The following DLGAP2 variants were observed in gnomAD, a reference collection of about 807,000 sequenced individuals.
The protein encoded by DLGAP2 is disks large-associated protein 2.
Under a neutral mutation model 100.3 loss-of-function variants are expected in DLGAP2, and 26 were observed. The ratio of observed to expected loss-of-function variants is 0.26; its 90% CI spans 0.19 to 0.36. The LOEUF is 0.36. Among genes scored for constraint, DLGAP2 ranks in the 10% least tolerant of loss-of-function variants. The probability of loss-of-function intolerance (pLI) is 1.00; values close to 1 mark genes in which losing one functional copy is unlikely to be tolerated. For missense variants in DLGAP2, 1,858 were observed against 1,453.2 expected, an observed-to-expected ratio of 1.28 and a Z score of -4.53; for synonymous variants, 886 against 630.1, an observed-to-expected ratio of 1.41 and a Z score of -6.08.
At chr8:1,044,062 T>G (rs1254452782) in intron 2 of DLGAP2, among the ~76,000 whole-genome samples, 2 of 152,120 alleles carry the variant, frequency 1.3e-5, no homozygotes, top group East Asian at 3.9e-4. Flanking sequence ...CACGCCACGC[T>G]GTGTTTTATG....
rs368199148 is a variant in DLGAP2, at chr8:1,258,780, A to T, written c.74-71A>T. On this transcript the variant is annotated intron_variant, in intron 2 of 14. Coordinates refer to ENST00000637795, the MANE Select transcript of DLGAP2 (RefSeq NM_001346810.2). ...TAAAGTTGTAGTTTTGTTGTTGCTG[A>T]TGTTGAATCTTTTTAACTGCATGGT... 4.2e-6 allele frequency: 5 copies of T among 1,191,158 alleles called. No individual in the cohort carries two copies. In the East Asian group the frequency reaches 1.6e-4, roughly 38 times the overall value. 73.8% of individuals were successfully genotyped at this position (1,191,158 alleles called of 1,614,324 possible). A position where few individuals can be genotyped will look rare whatever the true frequency, so the allele number is the denominator to read the frequency against.
intron 3 of DLGAP2, among the ~76,000 whole-genome samples, chr8:1,331,199 C>T (rs1801150185): frequency 6.6e-6 from 1 of 152,208 alleles, no homozygotes; most frequent in Non-Finnish European, 1.5e-5. Context: ...GGTAGAAATG[C>T]AGCGATGTGG....
At chr8:940,876 G>C (rs1799180584) in intron 2 of DLGAP2, among the ~76,000 whole-genome samples, 1 of 152,136 alleles carries the variant, frequency 6.6e-6, no homozygotes, top group East Asian at 1.9e-4. Flanking sequence ...AGGCAGTCAG[G>C]CTGCTCGGGA....
chr8:1,636,336 T>C (rs962741455), intron 8 of DLGAP2, among the ~76,000 whole-genome samples: 2 of 152,196 alleles, frequency 1.3e-5, no homozygotes, highest in African/African-American at 4.8e-5. Context: ...ATAGAAAGCA[T>C]GGCAGAGGAA....
At chr8:1,029,699 G>A (rs1438050827) in intron 2 of DLGAP2, among the ~76,000 whole-genome samples, 1 of 152,180 alleles carries the variant, frequency 6.6e-6, no homozygotes, top group Non-Finnish European at 1.5e-5. Context: ...AAAGGCGGGT[G>A]ACCTTGACTG....
intron 1 of DLGAP2, among the ~76,000 whole-genome samples, chr8:805,671 G>A (rs1332303095): frequency 1.3e-5 from 2 of 152,182 alleles, no homozygotes; most frequent in East Asian, 1.9e-4. Context: ...GCAGTGGCAC[G>A]ATCTGGGCTC....
At chr8:776,799 T>G (rs1821531246) in intron 1 of DLGAP2, among the ~76,000 whole-genome samples, 1 of 152,172 alleles carries the variant, frequency 6.6e-6, no homozygotes, top group South Asian at 2.1e-4. Context: ...ATAGGTGTGG[T>G]GTGGTGCTGA....
intron 3 of DLGAP2, among the ~76,000 whole-genome samples, chr8:1,281,825 A>T (rs1313058251): frequency 2.6e-5 from 4 of 152,208 alleles, no homozygotes. Context: ...TTGATCTGCA[A>T]CGTTTGATTT....
intron 1 of DLGAP2, among the ~76,000 whole-genome samples, chr8:901,598 A>AG (rs1209790417): frequency 2.0e-5 from 3 of 152,164 alleles, no homozygotes; most frequent in African/African-American, 7.2e-5. Context: ...AATGCCGGGT[A>AG]GGGGTTCAGA....
In DLGAP2 at chr8:1,206,315, C is replaced by T. The variant is rs113171912; in HGVS notation, c.74-52536C>T. Among the ~76,000 whole-genome samples the T allele has an allele frequency of 3.2e-4, 43 of 135,068 alleles. 3 individuals are homozygous for T. The highest frequency in any genetic ancestry group is 3.0e-4 in the Admixed American group (4 of 13,362). 88.6% of individuals were successfully genotyped at this position (135,068 alleles called of 152,430 possible). A position where few individuals can be genotyped will look rare whatever the true frequency, so the allele number is the denominator to read the frequency against. ...TGTGAGCGGTTAATCTCCAGGCATC[C>T]GTGGACTGGGGTAGACTGTGAATGG... On this transcript the variant is annotated intron_variant, in intron 2 of 14. Coordinates refer to ENST00000637795, the MANE Select transcript of DLGAP2 (RefSeq NM_001346810.2).
chr8:1,459,633 G>A (rs1034300190), intron 3 of DLGAP2, among the ~76,000 whole-genome samples: 1 of 151,642 alleles, frequency 6.6e-6, no homozygotes, highest in Non-Finnish European at 1.5e-5. Flanking sequence ...CACTCACAGA[G>A]CTGTCAGGAT....
At position 1,050,044 on chromosome 8, in the gene DLGAP2, T is replaced by TGTCACACACATGTA. The variant is rs1181928058; in HGVS notation, c.73+142079_73+142092dup. On this transcript the variant is annotated intron_variant, in intron 2 of 14. Transcript: ENST00000637795. ...CATGCGGATATGTGTACACACATGCTGTCACACACATGTACATACGTGTAC... is the reference window on the plus strand; with the variant it reads ...CATGCGGATATGTGTACACACATGCTGTCACACACATGTAGTCACACACATGTACATACGTGTAC... 5.6e-4 allele frequency among the ~76,000 whole-genome samples: 85 copies of TGTCACACACATGTA among 152,304 alleles called. 1 individual carries two copies. In the South Asian group the frequency reaches 0.013, roughly 23 times the overall value.
chr8:1,582,130 C>G (rs1247128384), intron 6 of DLGAP2, among the ~76,000 whole-genome samples: 1 of 146,608 alleles, frequency 6.8e-6, no homozygotes, highest in Non-Finnish European at 1.5e-5. Flanking sequence ...GTGAAGGATA[C>G]AGATAAAACC....
intron 2 of DLGAP2, among the ~76,000 whole-genome samples, chr8:1,114,280 C>G (rs987383935): frequency 1.3e-5 from 2 of 152,040 alleles, no homozygotes; most frequent in African/African-American, 4.8e-5. Flanking sequence ...ATAGTACCAG[C>G]TCTGCTTTAT....
intron 3 of DLGAP2, among the ~76,000 whole-genome samples, chr8:1,478,821 G>A (rs905325196): frequency 6.6e-6 from 1 of 152,184 alleles, no homozygotes; most frequent in South Asian, 2.1e-4. Flanking sequence ...CATTATTCTA[G>A]CCCCCTCCTT....
chr8:1,319,811 G>A (rs1800853941), intron 3 of DLGAP2, among the ~76,000 whole-genome samples: 1 of 152,182 alleles, frequency 6.6e-6, no homozygotes, highest in South Asian at 2.1e-4. Context: ...AGGAAACGTA[G>A]ATCACATGCC....
intron 3 of DLGAP2, among the ~76,000 whole-genome samples, chr8:1,448,487 G>C (rs1328993401): frequency 6.6e-6 from 1 of 152,106 alleles, no homozygotes; most frequent in Non-Finnish European, 1.5e-5. Context: ...TACATTTGCT[G>C]AGGAGAGCTT....
chr8:1,308,753 G>A (rs1017800733), intron 3 of DLGAP2, among the ~76,000 whole-genome samples: 3 of 152,128 alleles, frequency 2.0e-5, no homozygotes, highest in South Asian at 2.1e-4. Context: ...TTGAACTCCC[G>A]ACCTCGGATG....
intron 1 of DLGAP2, among the ~76,000 whole-genome samples, chr8:783,602 T>C (rs1051829146): frequency 6.6e-6 from 1 of 152,006 alleles, no homozygotes; most frequent in Non-Finnish European, 1.5e-5. Flanking sequence ...TTTAAGGAAG[T>C]TGATTTCTTA....
Sources: allele counts gnomAD v4.1 joint callset (sites outside exome capture counted in the v4.1 genomes callset), GRCh38; gene constraint gnomAD v4.1.1; transcripts MANE v1.5; gene names NCBI Gene and HGNC (gene_info 2026-07-23, HGNC 2026-07-21).